The following RTL4 variants were observed in gnomAD, a reference collection of about 807,000 sequenced individuals.
RTL4 encodes the protein retrotransposon Gag like 4.
RTL4 carries 4 observed loss-of-function variants against 5.3 expected under a neutral mutation model. The ratio of observed to expected loss-of-function variants is 0.75; its 90% CI spans 0.37 to 1.72. RTL4 has a LOEUF of 1.72. Ranked by LOEUF, RTL4 falls within the 40% of genes most tolerant of loss-of-function variation. The pLI is 0.04. For synonymous variants in RTL4, 98 were observed against 87.3 expected, an observed-to-expected ratio of 1.12 and a Z score of -0.68; for missense variants, 260 against 227.1, an observed-to-expected ratio of 1.14 and a Z score of -0.93.
chrX:112,264,576 A>G, the RTL4 span, among the ~76,000 whole-genome samples: 1 of 112,311 alleles, frequency 8.9e-6, no homozygotes, highest in African/African-American at 3.2e-5. Flanking sequence ...GTTCATGTAT[A>G]TGTATGATAA....
chrX:112,232,730 C>T, the RTL4 span, among the ~76,000 whole-genome samples: 1 of 111,689 alleles, frequency 9.0e-6, no homozygotes, highest in Non-Finnish European at 1.9e-5. Flanking sequence ...CTGAATTTAA[C>T]AGAAAATCCC....
chrX:112,435,060 C>G, the RTL4 span, among the ~76,000 whole-genome samples: 1 of 111,075 alleles, frequency 9.0e-6, no homozygotes, highest in South Asian at 3.8e-4. Flanking sequence ...ATGAGACTCA[C>G]TCATTGTCAT....
chrX:112,083,786 C>T, the RTL4 span, among the ~76,000 whole-genome samples: 2 of 111,334 alleles, frequency 1.8e-5, no homozygotes, highest in African/African-American at 6.5e-5. Flanking sequence ...GAATGTCCAC[C>T]CTCTTGAGCC....
the RTL4 span, among the ~76,000 whole-genome samples, chrX:112,335,666 G>A: frequency 2.7e-5 from 3 of 109,416 alleles, no homozygotes; most frequent in Non-Finnish European, 5.7e-5. Flanking sequence ...TTTAACCCAA[G>A]GCTTATCTAA....
At chrX:112,264,272 C>T in the RTL4 span, among the ~76,000 whole-genome samples, 24,494 of 111,302 alleles carry the variant, frequency 0.22, 2,235 homozygotes, top group African/African-American at 0.36. Flanking sequence ...GTAAGCAGAG[C>T]TCAACAATCT....
chrX:112,402,940 G>A, the RTL4 span, among the ~76,000 whole-genome samples: 3 of 111,744 alleles, frequency 2.7e-5, no homozygotes, highest in Non-Finnish European at 5.6e-5. Flanking sequence ...GCAGGGAACT[G>A]TGAAAGGATT....
the RTL4 span, among the ~76,000 whole-genome samples, chrX:112,307,342 G>A: frequency 9.0e-6 from 1 of 111,676 alleles, no homozygotes; most frequent in South Asian, 3.8e-4. Context: ...CCAGTGAGTG[G>A]TTAAGAAAGA....
the RTL4 span, among the ~76,000 whole-genome samples, chrX:112,182,519 A>C: frequency 1.6e-3 from 181 of 112,136 alleles, no homozygotes; most frequent in Non-Finnish European, 2.8e-3. Flanking sequence ...ACAACACAGC[A>C]TGAGAACTTC....
chrX:112,226,106 A>T, the RTL4 span, among the ~76,000 whole-genome samples: 6 of 112,197 alleles, frequency 5.3e-5, no homozygotes, highest in Admixed American at 5.7e-4. Flanking sequence ...TGTGAGTAGG[A>T]AGTTGGCAGT....
chrX:112,262,489 A>G, the RTL4 span, among the ~76,000 whole-genome samples: 2 of 112,196 alleles, frequency 1.8e-5, no homozygotes, highest in Admixed American at 9.4e-5. Flanking sequence ...AAAAACCACA[A>G]TGAGATACCA....
the RTL4 span, among the ~76,000 whole-genome samples, chrX:112,225,413 T>C: frequency 1.8e-5 from 2 of 112,206 alleles, no homozygotes; most frequent in Non-Finnish European, 3.8e-5. Flanking sequence ...TGCCAACTTC[T>C]TTATAACCCA....
At chrX:112,151,820 C>T in the RTL4 span, among the ~76,000 whole-genome samples, 1 of 111,747 alleles carries the variant, frequency 8.9e-6, no homozygotes, top group Non-Finnish European at 1.9e-5. Context: ...AAGCCCTGAC[C>T]CCATAGCTCC....
At chrX:112,259,414 A>T in the RTL4 span, among the ~76,000 whole-genome samples, 3 of 111,047 alleles carry the variant, frequency 2.7e-5, no homozygotes, top group Non-Finnish European at 5.7e-5. Context: ...ATCATTTTCT[A>T]TTTGTAAACT....
At chrX:112,206,592 G>C in the RTL4 span, among the ~76,000 whole-genome samples, 1 of 110,793 alleles carries the variant, frequency 9.0e-6, no homozygotes, top group Non-Finnish European at 1.9e-5. Context: ...GGCTTCTAAA[G>C]TTGGGGTTCC....
chrX:112,362,161 A>G, the RTL4 span, among the ~76,000 whole-genome samples: 1 of 112,198 alleles, frequency 8.9e-6, no homozygotes, highest in Admixed American at 9.4e-5. Flanking sequence ...GTCCTCAGCA[A>G]AGCCATGGGT....
chrX:112,406,236 A>G, the RTL4 span, among the ~76,000 whole-genome samples: 1 of 111,951 alleles, frequency 8.9e-6, no homozygotes, highest in South Asian at 3.8e-4. Context: ...GCTATAAAGA[A>G]ATATCTGAAA....
the RTL4 span, among the ~76,000 whole-genome samples, chrX:112,292,661 A>G: frequency 8.9e-6 from 1 of 111,746 alleles, no homozygotes; most frequent in African/African-American, 3.3e-5. Flanking sequence ...GTACTGAAAT[A>G]TTGGAAAATG....
chrX:112,351,873 A>G, the RTL4 span, among the ~76,000 whole-genome samples: 100 of 111,192 alleles, frequency 9.0e-4, no homozygotes, highest in Non-Finnish European at 6.6e-4. Context: ...TTACATTTAA[A>G]GTTAATATTG....
chrX:112,298,109 C>A, the RTL4 span, among the ~76,000 whole-genome samples: 2 of 111,610 alleles, frequency 1.8e-5, no homozygotes, highest in East Asian at 5.6e-4. Flanking sequence ...CATTTACTTT[C>A]GGTTCGACTT....
Sources: allele counts gnomAD v4.1 joint callset (sites outside exome capture counted in the v4.1 genomes callset), GRCh38; gene constraint gnomAD v4.1.1; transcripts MANE v1.5; gene names NCBI Gene and HGNC (gene_info 2026-07-23, HGNC 2026-07-21).